Variants in IKZF1 observed in about 807,000 individuals in gnomAD.
IKZF1 encodes IKAROS family zinc finger 1.
In IKZF1, 10 loss-of-function variants were observed where a neutral mutation model predicts 51.7. The observed-to-expected ratio is 0.19, with a 90% CI of 0.12 to 0.33. The LOEUF (loss-of-function observed/expected upper bound fraction) is 0.33, where lower values mean the gene tolerates loss of function less well. IKZF1 is among the 10% of genes least tolerant of loss of function. The pLI is 1.00. For missense variants in IKZF1, 484 were observed against 707.5 expected, an observed-to-expected ratio of 0.68 and a Z score of 3.58; for synonymous variants, 280 against 282.3, an observed-to-expected ratio of 0.99 and a Z score of 0.08.
At chr7:50,382,853 C>A (rs931204651) in intron 5 of IKZF1, 146 bp downstream of exon 5, 11 of 1,041,782 alleles carry the variant, frequency 1.1e-5, no homozygotes, top group Admixed American at 2.8e-5. Context: ...GCTGTTGCTT[C>A]TTTGACATTG....
rs767627243 is a variant in IKZF1 at position 50,376,756 on chromosome 7, G to A, written c.384G>A (p.Gly128=). The part of the protein sequence containing the change: ...KCDICGIICI[G]PNVLMVHKRS... ...ATATCTGTGGGATCATTTGCATCGG[G>A]CCCAATGTGCTCATGGTTCACAAAA... Residue 128 remains glycine (G), a synonymous_variant, in exon 4 of 8, where the codon GGG becomes GGA. Transcript: ENST00000331340. This position sits in a 1 kb window ranked among gnomAD's most constrained non-coding sequence, Gnocchi z 4.5. 1.9e-6 allele frequency: 3 copies of A among 1,613,942 alleles called. No homozygotes were observed. Among genetic ancestry groups the A allele is most frequent in the Non-Finnish European group, 2.5e-6 (3 of 1,179,888 alleles).
chr7:50,308,446 G>A (rs1789340097), intron 1 of IKZF1, among the ~76,000 whole-genome samples: 1 of 152,198 alleles, frequency 6.6e-6, no homozygotes, highest in Admixed American at 6.5e-5. Context: ...CAGGTGTGGG[G>A]GCCATTTGTC....
chr7:50,312,682 G>T (rs1475831299), intron 1 of IKZF1, among the ~76,000 whole-genome samples: 2 of 152,168 alleles, frequency 1.3e-5, no homozygotes, highest in Non-Finnish European at 2.9e-5. Flanking sequence ...TATTTTGAAA[G>T]GTTTCCTTAG....
intron 5 of IKZF1, among the ~76,000 whole-genome samples, chr7:50,386,819 A>G (rs1813514658): frequency 1.3e-5 from 2 of 152,216 alleles, no homozygotes; most frequent in Admixed American, 6.5e-5. Flanking sequence ...TCATTCAAGC[A>G]TATTTGTCCA....
Position 50,402,988 on chromosome 7 carries a change from AT to A in IKZF1, c.*2362del. 1 of 227,792 alleles carries A rather than the reference AT, an allele frequency of 4.4e-6. No individual in the cohort carries two copies. Among genetic ancestry groups the A allele is most frequent in the East Asian group, 6.3e-5 (1 of 15,984 alleles). The allele number at this position is 227,792 out of a possible 1,614,324, so 14.1% of individuals were successfully genotyped here. On this transcript the variant is annotated 3_prime_UTR_variant, in exon 8 of 8. Transcript: ENST00000331340. ...TCACCTACTCTGTTCTTTTCCATCCATCCCCCTGAGTCAGTTGGTTGAAGGG... is the reference window on the plus strand; with the variant it reads ...TCACCTACTCTGTTCTTTTCCATCCACCCCCTGAGTCAGTTGGTTGAAGGG...
chr7:50,349,848 T>G (rs1801381982), intron 3 of IKZF1, among the ~76,000 whole-genome samples: 1 of 152,304 alleles, frequency 6.6e-6, no homozygotes, highest in East Asian at 1.9e-4. Flanking sequence ...AAACATGTTA[T>G]TGGGTCTATG....
intron 5 of IKZF1, among the ~76,000 whole-genome samples, chr7:50,386,663 G>C (rs1270488666): frequency 6.6e-6 from 1 of 151,556 alleles, no homozygotes; most frequent in Non-Finnish European, 1.5e-5. Flanking sequence ...ACATAAAATA[G>C]AAATACATAT....
At chr7:50,367,640 G>A (rs765707649) in intron 3 of IKZF1, 3 of 175,214 alleles carry the variant, frequency 1.7e-5, no homozygotes, top group African/African-American at 4.7e-5. Context: ...GTGGAGATAC[G>A]TGCTGTCCCA....
At chr7:50,365,030 T>C (rs1468221288) in intron 3 of IKZF1, among the ~76,000 whole-genome samples, 1 of 152,266 alleles carries the variant, frequency 6.6e-6, no homozygotes, top group South Asian at 2.1e-4. Context: ...AACACACTTA[T>C]GTGTGTCCCT....
chr7:50,304,855 C>G lies in IKZF1; in HGVS notation c.-82C>G, dbSNP rs1040748028. 2 of 152,646 alleles carry G rather than the reference C, an allele frequency of 1.3e-5. No individual in the cohort carries two copies. Among genetic ancestry groups the G allele is most frequent in the African/African-American group, 2.4e-5 (1 of 41,430 alleles). 9.5% of individuals were successfully genotyped at this position (152,646 alleles called of 1,614,324 possible). A position where few individuals can be genotyped will look rare whatever the true frequency, so the allele number is the denominator to read the frequency against. Reference sequence around the variant, plus strand: ...CAAGCCTGGCAGGGCAGAGGGAGCCCCGGCTCCGAGGTTGCTCTTCGCACC... The same window carrying G: ...CAAGCCTGGCAGGGCAGAGGGAGCCGCGGCTCCGAGGTTGCTCTTCGCACC... On this transcript the variant is annotated 5_prime_UTR_variant, in exon 1 of 8. Transcript: ENST00000331340.
At chr7:50,322,381 T>C (rs2153371015) in intron 2 of IKZF1, among the ~76,000 whole-genome samples, 1 of 152,356 alleles carries the variant, frequency 6.6e-6, no homozygotes, top group South Asian at 2.1e-4. Context: ...GATAAACAGA[T>C]AAATACTTAA....
intron 3 of IKZF1, among the ~76,000 whole-genome samples, chr7:50,344,603 A>G (rs1026711594): frequency 2.0e-5 from 3 of 152,230 alleles, no homozygotes; most frequent in South Asian, 2.1e-4. Context: ...ATAAGCTGTT[A>G]TACTCCCGTT....
Position 50,382,693 on chromosome 7 carries a change from T to G in IKZF1, c.575T>G (p.Leu192Arg). The G allele has an allele frequency of 6.2e-7, 1 of 1,608,804 alleles. No homozygotes were observed. The highest frequency in any genetic ancestry group is 8.5e-7 in the Non-Finnish European group (1 of 1,179,628). ...CGGAGGGACGCCCTCACTGGCCACCTGAGGACGCACTCCGGTAGGTCCCCT... is the reference window on the plus strand; with the variant it reads ...CGGAGGGACGCCCTCACTGGCCACCGGAGGACGCACTCCGGTAGGTCCCCT... ...CRRRDALTGH[L>R]RTHSVGKPHK... Residue 192 changes from leucine to arginine, a missense_variant, in exon 5 of 8, where the codon CTG becomes CGG. Transcript: ENST00000331340.
intron 3 of IKZF1, chr7:50,368,371 T>G: frequency 1.5e-6 from 1 of 683,236 alleles, no homozygotes. Context: ...ACTCCTGTAA[T>G]CCTTTTTATT....
In IKZF1 at chr7:50,368,583, C is replaced by T. The variant is rs142300137; in HGVS notation, c.161-7950C>T. On this transcript the variant is annotated intron_variant, in intron 3 of 7. Coordinates refer to ENST00000331340, the MANE Select transcript of IKZF1 (RefSeq NM_006060.6). ...TGTGGTGCATCGCTGCTGGAGCCAA[C>T]GTACTGTTCCTGCTTGGTGCCCGCA... 19 of 506,556 alleles carry T rather than the reference C, an allele frequency of 3.8e-5. 1 individual carries two copies. Among genetic ancestry groups the T allele is most frequent in the African/African-American group, 1.2e-4 (6 of 51,958 alleles). 31.4% of individuals were successfully genotyped at this position (506,556 alleles called of 1,614,324 possible).
At chr7:50,326,102 A>G (rs1003171989) in intron 2 of IKZF1, among the ~76,000 whole-genome samples, 1 of 152,220 alleles carries the variant, frequency 6.6e-6, no homozygotes, top group African/African-American at 2.4e-5. Context: ...TCTATTTTAA[A>G]TATTCCAGGA....
chr7:50,357,328 G>A (rs1306225885), intron 3 of IKZF1, among the ~76,000 whole-genome samples: 1 of 151,774 alleles, frequency 6.6e-6, no homozygotes, highest in Non-Finnish European at 1.5e-5. Context: ...ATGATTCTCT[G>A]AGCCAGCCAC....
chr7:50,322,941 G>GT (rs889903152), intron 2 of IKZF1, among the ~76,000 whole-genome samples: 3 of 151,928 alleles, frequency 2.0e-5, no homozygotes, highest in Non-Finnish European at 4.4e-5. Flanking sequence ...TTTGTAGTGT[G>GT]TTTTTTTGGG....
intron 3 of IKZF1, among the ~76,000 whole-genome samples, chr7:50,344,223 G>T (rs550732611): frequency 6.6e-6 from 1 of 152,322 alleles, no homozygotes; most frequent in East Asian, 1.9e-4. Context: ...TATATGACAT[G>T]TAAAGTGGTA....
Sources: gnomAD v4.1 joint callset for allele counts (sites outside exome capture counted in the v4.1 genomes callset) on GRCh38, gnomAD v4.1.1 for gene constraint, Gnocchi (gnomAD v3.1) non-coding constraint, MANE v1.5 for transcripts, NCBI Gene and HGNC (gene_info 2026-07-23, HGNC 2026-07-21) for gene names.